KDM6B: variants seen among roughly 807,000 people sequenced by gnomAD.
KDM6B encodes the protein lysine demethylase 6B.
In KDM6B, 22 loss-of-function variants were observed where a neutral mutation model predicts 150.4. The observed-to-expected ratio is 0.15, with a 90% CI of 0.10 to 0.21. The LOEUF is 0.21. Ranked by LOEUF, KDM6B falls within the 10% of genes least tolerant of loss-of-function variation. The probability of loss-of-function intolerance (pLI) is 1.00; values close to 1 mark genes in which losing one functional copy is unlikely to be tolerated. For synonymous variants in KDM6B, 1,148 were observed against 921.1 expected, an observed-to-expected ratio of 1.25 and a Z score of -4.46; for missense variants, 1,984 against 2,234.3, an observed-to-expected ratio of 0.89 and a Z score of 2.26.
chr17:7,835,829 C>G (rs1567780611), intron 1 of KDM6B, among the ~76,000 whole-genome samples: 1 of 149,548 alleles, frequency 6.7e-6, no homozygotes, highest in African/African-American at 2.4e-5. Context: ...CTCGTGGAGT[C>G]TGTGTAAAGC....
chr17:7,845,126 C>G (rs902279345), intron 3 of KDM6B, 106 bp downstream of exon 3: 6 of 277,878 alleles, frequency 2.2e-5, no homozygotes, highest in African/African-American at 1.3e-4. Flanking sequence ...CTGCCACACA[C>G]GTCCTGACTC....
chr17:7,846,371 G>GGGGCGGGCCCGGGGGCCCCCCCCCCCC, intron 7 of KDM6B, 29 bp from the exon 8 acceptor site: 3 of 1,488,920 alleles, frequency 2.0e-6, no homozygotes, highest in Non-Finnish European at 1.8e-6. Flanking sequence ...CCTGACATCT[G>GGGGCGGGCCCGGGGGCCCCCCCCCCCC]CCCCTGCCCC....
In KDM6B at chr17:7,847,448, G is replaced by A; in HGVS notation, c.1253G>A (p.Gly418Asp). ...CTCCGGGGCGTGGAGCCGAACCCAG[G>A]CATTGTGAGTGACAACTGAGGGTGG... ...TGLRGVEPNP[G>D]IPGADHYQTP... The change falls in exon 11 of 24, where the codon GGC (glycine) becomes GAC (aspartate). Residue 418 changes from glycine to aspartate, a missense_variant. By Grantham distance (94) the Gly-to-Asp change is moderately conservative. Transcript: ENST00000448097. 2.5e-6 allele frequency: 4 copies of A among 1,613,678 alleles called. No homozygotes were observed. Among genetic ancestry groups the A allele is most frequent in the South Asian group, 1.1e-5 (1 of 91,082 alleles).
rs2078759576 is a variant in KDM6B at position 7,854,013 on chromosome 17, C to T, written c.*492C>T. 1 of 153,830 alleles carries T rather than the reference C, an allele frequency of 6.5e-6. No individual in the cohort carries two copies. Among genetic ancestry groups the T allele is most frequent in the Non-Finnish European group, 1.5e-5 (1 of 68,904 alleles). 9.5% of individuals were successfully genotyped at this position (153,830 alleles called of 1,614,324 possible). A position where few individuals can be genotyped will look rare whatever the true frequency, so the allele number is the denominator to read the frequency against. On this transcript the variant is annotated 3_prime_UTR_variant, in exon 24 of 24. Coordinates refer to ENST00000448097, the MANE Select transcript of KDM6B (RefSeq NM_001348716.2). The stretch of plus-strand genomic sequence containing the variant: ...TCCAATGCTAGCTGTGACCCCTGTA[C>T]ATGTCTCTTTATTCACTTGGTTATG...
rs1430561230 is a variant in KDM6B, at chr17:7,843,808, G to T, written c.-268-1093G>T. ...CCTGCGGGGACGCCGGGTAGGCAAG[G>T]AGGAGGCGCGGGGACGCAGCTCCTG... On this transcript the variant is annotated intron_variant, in intron 2 of 23. Coordinates refer to ENST00000448097, the MANE Select transcript of KDM6B (RefSeq NM_001348716.2). The surrounding 1 kb of genome is among the most constrained non-coding windows in gnomAD (Gnocchi z 4.5). 7.2e-5 allele frequency among the ~76,000 whole-genome samples: 11 copies of T among 152,152 alleles called. No homozygotes were observed. Among genetic ancestry groups the T allele is most frequent in the Admixed American group, 7.2e-4 (11 of 15,292 alleles).
intron 2 of KDM6B, among the ~76,000 whole-genome samples, chr17:7,841,312 A>T (rs1267624647): frequency 6.6e-6 from 1 of 152,264 alleles, no homozygotes; most frequent in East Asian, 1.9e-4. Flanking sequence ...GAAGGCAGAC[A>T]GACCTCCAAA....
rs138169149 is a variant in KDM6B at position 7,846,590 on chromosome 17, C to T, written c.561C>T (p.Asn187=). ...CTTTTTGTTCTCAGCACAAACGGAA[C>T]TATGGAGCCAAGCGGGGAGGTCCCC... ...WNLLHLEHKR[N]YGAKRGGPPV... is the part of the protein sequence containing the mutation. Residue 187 remains asparagine (N), a synonymous_variant, in exon 9 of 24, where the codon AAC becomes AAT. Transcript: ENST00000448097. 76 of 1,613,994 alleles carry T rather than the reference C, an allele frequency of 4.7e-5. No individual in the cohort carries two copies. Among genetic ancestry groups the T allele is most frequent in the Admixed American group, 2.5e-4 (15 of 60,004 alleles).
chr17:7,838,634 C>G (rs1293536732), intron 1 of KDM6B, among the ~76,000 whole-genome samples: 1 of 137,818 alleles, frequency 7.3e-6, no homozygotes, highest in Admixed American at 7.3e-5. Context: ...CCCCCTCACT[C>G]CTCCTCTTGG....
At chr17:7,834,698 A>G (rs2078296524) in intron 1 of KDM6B, among the ~76,000 whole-genome samples, 1 of 151,912 alleles carries the variant, frequency 6.6e-6, no homozygotes, top group Non-Finnish European at 1.5e-5. Flanking sequence ...GTTTGCAGAC[A>G]GGTCAATGCC....
intron 14 of KDM6B, among the ~76,000 whole-genome samples, chr17:7,850,528 A>G (rs1307534717): frequency 6.6e-6 from 1 of 152,228 alleles, no homozygotes; most frequent in African/African-American, 2.4e-5. Flanking sequence ...AGCTGTATAG[A>G]AATACAAAGG....
rs2078650961 is a variant in KDM6B, at chr17:7,849,659, A to T, written c.3371A>T (p.Glu1124Val). 6.2e-7 allele frequency: 1 copy of T among 1,610,840 alleles called. No homozygotes were observed. The highest frequency in any genetic ancestry group is 8.5e-7 in the Non-Finnish European group (1 of 1,179,992). ...GAGACCTTTATCGCCTCTGAGGTGG[A>T]AGAGCGGCGGCTGCGCATGGCAGAC... ...DKETFIASEV[E>V]ERRLRMADLT... The change falls in exon 12 of 24, where the codon GAA becomes GTA. Residue 1124 changes from glutamate (E) to valine (V), a missense_variant. Physicochemically the swap from Glu to Val is moderately radical, Grantham distance 121. Transcript: ENST00000448097.
chr17:7,852,766 G>T, intron 21 of KDM6B, 130 bp downstream of exon 21: 1 of 1,401,934 alleles, frequency 7.1e-7, no homozygotes, highest in East Asian at 2.3e-5. Context: ...TTACTGTGTT[G>T]GGGAGGCTAA....
Position 7,847,107 on chromosome 17 carries a change from G to T in KDM6B, c.912G>T (p.Glu304Asp). The change falls in exon 11 of 24, where the codon GAG becomes GAT. Residue 304 changes from glutamate (E) to aspartate (D), a missense_variant and splice_region_variant. This residue lies in a region of KDM6B where 1,379 missense variants were observed against 1,275.6 expected (regional missense o/e 1.08). Coordinates refer to ENST00000448097, the MANE Select transcript of KDM6B (RefSeq NM_001348716.2). Reference sequence around the variant, plus strand: ...GCATCCCTGTTTATCTCCTATAGGAGCAGCGGCACTCGCTGCCTCACCCAT... The same window carrying T: ...GCATCCCTGTTTATCTCCTATAGGATCAGCGGCACTCGCTGCCTCACCCAT... ...RKGSAPPERQ[E>D]QRHSLPHPYP... The T allele has an allele frequency of 1.2e-6, 2 of 1,612,342 alleles. No homozygotes were observed. The highest frequency in any genetic ancestry group is 3.3e-4 in the Middle Eastern group (2 of 6,062).
At position 7,848,310 on chromosome 17, in the gene KDM6B, C is replaced by T. The variant is rs776754639; in HGVS notation, c.2022C>T (p.Pro674=). ...PARGPRLFDF[P]PTPLEDQFEE... Reference sequence around the variant, plus strand: ...GAGGCCCTCGACTCTTTGATTTTCCCCCCACTCCGCTGGAGGACCAGTTTG... The same window carrying T: ...GAGGCCCTCGACTCTTTGATTTTCCTCCCACTCCGCTGGAGGACCAGTTTG... Residue 674 remains proline, a synonymous_variant, in exon 12 of 24, where the codon CCC becomes CCT. Transcript: ENST00000448097. The T allele has an allele frequency of 2.7e-5, 43 of 1,612,636 alleles. No homozygotes were observed. Among genetic ancestry groups the T allele is most frequent in the Non-Finnish European group, 3.1e-5 (36 of 1,179,958 alleles).
chr17:7,835,081 C>A (rs1462741268), intron 1 of KDM6B, among the ~76,000 whole-genome samples: 3 of 152,036 alleles, frequency 2.0e-5, no homozygotes, highest in Non-Finnish European at 1.5e-5. Flanking sequence ...TGAAGCCCCC[C>A]GCCCCGGTCC....
Position 7,847,338 on chromosome 17 carries a change from C to T in KDM6B, c.1143C>T (p.Ala381=). 6.2e-7 allele frequency: 1 copy of T among 1,610,926 alleles called. No homozygotes were observed. The highest frequency in any genetic ancestry group is 8.5e-7 in the Non-Finnish European group (1 of 1,179,942). The change falls in exon 11 of 24, where the codon GCC becomes GCT. Residue 381 remains alanine (A), a synonymous_variant. Coordinates refer to ENST00000448097, the MANE Select transcript of KDM6B (RefSeq NM_001348716.2). The part of the protein sequence containing the change: ...DSSVSPAATT[A]CVPYAPSRPP... ...GCGTTTCACCAGCAGCAACCACCGCCTGCGTGCCTTACGCCCCTTCCCGGC... is the reference window on the plus strand; with the variant it reads ...GCGTTTCACCAGCAGCAACCACCGCTTGCGTGCCTTACGCCCCTTCCCGGC...
rs1438895346 is a variant in KDM6B, at chr17:7,845,976, T to A, written c.236+6T>A. ...AAACCATATTATGCTCCAGGGTGAG[T>A]GGATATTTGAAGGTTCTGGGAGTGG... is the stretch of plus-strand genomic sequence containing the variant. On this transcript the variant is annotated splice_donor_region_variant and intron_variant, in intron 6 of 23. Transcript: ENST00000448097. 6.2e-7 allele frequency: 1 copy of A among 1,612,228 alleles called. No individual in the cohort carries two copies. Among genetic ancestry groups the A allele is most frequent in the East Asian group, 2.2e-5 (1 of 44,854 alleles).
chr17:7,846,377 G>GGGGCCCCCCCCCCCCCCCCC, intron 7 of KDM6B, 23 bp from the exon 8 acceptor site: 2 of 1,479,492 alleles, frequency 1.4e-6, no homozygotes, highest in Non-Finnish European at 1.8e-6. Flanking sequence ...ATCTGCCCCT[G>GGGGCCCCCCCCCCCCCCCCC]CCCCGTGTCC....
chr17:7,851,000 C>A, intron 14 of KDM6B, 21 bp from the exon 15 acceptor site: 1 of 1,578,986 alleles, frequency 6.3e-7, no homozygotes, highest in Non-Finnish European at 8.6e-7. Flanking sequence ...CCCCGACACC[C>A]TGCTCGGCCC....
Sources: allele counts gnomAD v4.1 joint callset (sites outside exome capture counted in the v4.1 genomes callset), GRCh38; gene constraint gnomAD v4.1.1; regional missense constraint gnomAD v4.1.1; non-coding constraint Gnocchi (gnomAD v3.1); transcripts MANE v1.5; gene names NCBI Gene and HGNC (gene_info 2026-07-23, HGNC 2026-07-21).